KDM4B: variants seen among roughly 807,000 people sequenced by gnomAD.
KDM4B encodes lysine-specific demethylase 4B.
A neutral mutation model predicts 125.2 loss-of-function variants in KDM4B; 32 were observed. That is an observed-to-expected ratio of 0.26 (90% confidence interval 0.19 to 0.34). The LOEUF (loss-of-function observed/expected upper bound fraction) is 0.34, where lower values mean the gene tolerates loss of function less well. KDM4B is among the 10% of genes least tolerant of loss of function. KDM4B has a pLI of 1.00. For synonymous variants in KDM4B, 721 were observed against 677.9 expected (o/e 1.06, Z -0.99); for missense variants, 1,190 against 1,577.7 (o/e 0.75, Z 4.16).
intron 1 of KDM4B, among the ~76,000 whole-genome samples, chr19:5,001,602 C>A (rs1384879863): frequency 6.6e-6 from 1 of 152,158 alleles, no homozygotes; most frequent in African/African-American, 2.4e-5. Context: ...GGTAGATTTT[C>A]GTGAGTGGGA....
chr19:4,996,220 C>T (rs940902304), intron 1 of KDM4B, among the ~76,000 whole-genome samples: 1 of 152,138 alleles, frequency 6.6e-6, no homozygotes, highest in Non-Finnish European at 1.5e-5. Flanking sequence ...AAACTCCTGA[C>T]CTCAGGTGAT....
At chr19:5,089,016 G>GAGGC in intron 9 of KDM4B, among the ~76,000 whole-genome samples, 1 of 151,950 alleles carries the variant, frequency 6.6e-6, no homozygotes, top group East Asian at 1.9e-4. Flanking sequence ...CCAGTGCTCA[G>GAGGC]AGGCAGGAAG....
intron 9 of KDM4B, among the ~76,000 whole-genome samples, chr19:5,100,958 C>T (rs1312626350): frequency 6.6e-6 from 1 of 152,154 alleles, no homozygotes; most frequent in African/African-American, 2.4e-5. Flanking sequence ...CGGTGGCTCA[C>T]ACCTGTGATT....
intron 9 of KDM4B, among the ~76,000 whole-genome samples, chr19:5,098,245 TAAAG>T (rs2038865787): frequency 6.6e-6 from 1 of 152,232 alleles, no homozygotes; most frequent in Admixed American, 6.5e-5. Flanking sequence ...AATATGATGT[TAAAG>T]GAAGGTCTGG....
chr19:5,057,590 A>G (rs2037451358), intron 6 of KDM4B, among the ~76,000 whole-genome samples: 1 of 152,174 alleles, frequency 6.6e-6, no homozygotes, highest in Non-Finnish European at 1.5e-5. Flanking sequence ...TCCGTTCCTC[A>G]TGCAGCAGCT....
intron 6 of KDM4B, among the ~76,000 whole-genome samples, chr19:5,048,611 C>T (rs1179694012): frequency 1.5e-5 from 2 of 133,968 alleles, no homozygotes; most frequent in African/African-American, 2.8e-5. Context: ...GAGGGGGGGG[C>T]GGGGGAGAAT....
rs1266746479 is a variant in KDM4B, at chr19:5,035,393, T to G, written c.141+2362T>G. Among the ~76,000 whole-genome samples the G allele has an allele frequency of 1.3e-5, 2 of 152,018 alleles. No individual in the cohort carries two copies. Among genetic ancestry groups the G allele is most frequent in the Admixed American group, 6.5e-5 (1 of 15,270 alleles). On this transcript the variant is annotated intron_variant, in intron 3 of 22. Coordinates refer to ENST00000159111, the MANE Select transcript of KDM4B (RefSeq NM_015015.3). This position sits in a 1 kb window ranked among gnomAD's most constrained non-coding sequence, Gnocchi z 5.3. ...CAGACCGCCCTGCGCTCTTCCGAGG[T>G]GCCTTTAAATGCCCGCCCCGTCACT...
At chr19:5,004,595 C>T (rs527663869) in intron 1 of KDM4B, among the ~76,000 whole-genome samples, 1 of 152,306 alleles carries the variant, frequency 6.6e-6, no homozygotes, top group South Asian at 2.1e-4. Context: ...TGTGTGCTGC[C>T]GTGCACGTTT....
intron 9 of KDM4B, among the ~76,000 whole-genome samples, chr19:5,106,907 GC>G (rs1343448047): frequency 3.3e-5 from 5 of 152,288 alleles, no homozygotes; most frequent in Non-Finnish European, 7.4e-5. Flanking sequence ...CAGTTGGTGG[GC>G]CCAACCTGTA....
At chr19:4,996,044 G>A (rs1032226189) in intron 1 of KDM4B, among the ~76,000 whole-genome samples, 8 of 152,174 alleles carry the variant, frequency 5.3e-5, no homozygotes, top group Non-Finnish European at 8.8e-5. Flanking sequence ...AGGCTGGCCT[G>A]CAGTGGTGTG....
In KDM4B at chr19:5,126,604, C is replaced by G. The variant is rs546842671; in HGVS notation, c.1316-4472C>G. Among the ~76,000 whole-genome samples the G allele has an allele frequency of 9.8e-5, 15 of 152,356 alleles. No homozygotes were observed. In the East Asian group the frequency reaches 1.9e-3, roughly 20 times the overall value. ...CCGGAGTGCTGCTCTCAGGAGAGGC[C>G]TCGTGGCTGGTGACTGGTTTTAGAA... On this transcript the variant is annotated intron_variant, in intron 11 of 22. Transcript: ENST00000159111.
chr19:5,117,524 CAA>C (rs958313159), intron 10 of KDM4B, among the ~76,000 whole-genome samples: 5 of 152,146 alleles, frequency 3.3e-5, no homozygotes, highest in Non-Finnish European at 7.4e-5. Flanking sequence ...ACAGTGGTGA[CAA>C]GAGCCAGTTG....
At chr19:4,998,759 G>A (rs1266752619) in intron 1 of KDM4B, among the ~76,000 whole-genome samples, 1 of 152,128 alleles carries the variant, frequency 6.6e-6, no homozygotes, top group Non-Finnish European at 1.5e-5. Context: ...CTGTCTCTGG[G>A]TTCTCTGACT....
intron 6 of KDM4B, among the ~76,000 whole-genome samples, chr19:5,061,978 G>A (rs535113431): frequency 1.4e-4 from 22 of 152,328 alleles, no homozygotes; most frequent in East Asian, 3.9e-4. Flanking sequence ...TTTCTGCAGC[G>A]GTGGCATCTG....
intron 5 of KDM4B, among the ~76,000 whole-genome samples, chr19:5,045,418 G>T (rs1284725993): frequency 6.6e-6 from 1 of 151,974 alleles, no homozygotes; most frequent in Non-Finnish European, 1.5e-5. Flanking sequence ...ATGGAGTCTC[G>T]CTCTGTTGCC....
intron 1 of KDM4B, among the ~76,000 whole-genome samples, chr19:5,004,900 C>A (rs531931154): frequency 6.6e-6 from 1 of 152,254 alleles, no homozygotes; most frequent in African/African-American, 2.4e-5. Flanking sequence ...GGCTTTGGTG[C>A]CGGAACCAGG....
At chr19:4,981,281 C>T (rs563750717) in intron 1 of KDM4B, among the ~76,000 whole-genome samples, 4 of 152,236 alleles carry the variant, frequency 2.6e-5, no homozygotes, top group Admixed American at 6.5e-5. Flanking sequence ...CCTGAGTCCA[C>T]CACACCAGGG....
rs201422945 is a variant in KDM4B, at chr19:5,082,528, G to A, written c.918+24G>A. 148 of 1,564,904 alleles carry A rather than the reference G, an allele frequency of 9.5e-5. No individual in the cohort carries two copies. The highest frequency in any genetic ancestry group is 6.3e-4 in the South Asian group (52 of 82,758). On this transcript the variant is annotated intron_variant, in intron 9 of 22. Transcript: ENST00000159111. This position sits in a 1 kb window ranked among gnomAD's most constrained non-coding sequence, Gnocchi z 5.4. ...AGGTAAAAGCTTGCCTGCTGGGAAC[G>A]GGTCCCAGCAGGGCGGGAGGAGGCT...
intron 1 of KDM4B, among the ~76,000 whole-genome samples, chr19:4,994,020 G>GTTTTTTTTTTTTTTTTTTTTTTTTT (rs55641886): frequency 5.1e-3 from 341 of 66,672 alleles, no homozygotes; most frequent in Non-Finnish European, 5.9e-3. Context: ...TTTTCAGCCT[G>GTTTTTTTTTTTTTTTTTTTTTTTTT]TTTTTTTTTT....
Sources: allele counts gnomAD v4.1 joint callset (sites outside exome capture counted in the v4.1 genomes callset), GRCh38; gene constraint gnomAD v4.1.1; non-coding constraint Gnocchi (gnomAD v3.1); transcripts MANE v1.5; gene names NCBI Gene and HGNC (gene_info 2026-07-23, HGNC 2026-07-21).